Variants in CYFIP2 observed in about 807,000 individuals in gnomAD.
The protein encoded by CYFIP2 is cytoplasmic FMR1-interacting protein 2.
In CYFIP2, 29 loss-of-function variants were observed where a neutral mutation model predicts 158.7. The ratio of observed to expected loss-of-function variants is 0.18; its 90% CI spans 0.14 to 0.25. The LOEUF (loss-of-function observed/expected upper bound fraction) is 0.25, where lower values mean the gene tolerates loss of function less well. Ranked by LOEUF, CYFIP2 falls within the 10% of genes least tolerant of loss-of-function variation. The pLI, the probability that CYFIP2 is intolerant of heterozygous loss-of-function variation, is 1.00. For synonymous variants in CYFIP2, 585 were observed against 617.6 expected (o/e 0.95, Z 0.78); for missense variants, 852 against 1,639.5 (o/e 0.52, Z 8.29).
chr5:157,281,695 A>G (rs1329216564), intron 1 of CYFIP2, among the ~76,000 whole-genome samples: 4 of 152,194 alleles, frequency 2.6e-5, no homozygotes, highest in African/African-American at 7.2e-5. Context: ...TTTGGGGGCC[A>G]CTTTTTATAA....
chr5:157,328,430 G>T (rs1472301044), intron 19 of CYFIP2, among the ~76,000 whole-genome samples: 1 of 152,242 alleles, frequency 6.6e-6, no homozygotes, highest in African/African-American at 2.4e-5. Context: ...AGGAGTGAAG[G>T]AAGTAAAACG....
In CYFIP2 at chr5:157,343,589, A is replaced by G; in HGVS notation, c.2673+2432A>G. 9 of 1,424,022 alleles carry G rather than the reference A, an allele frequency of 6.3e-6. No homozygotes were observed. In the East Asian group the frequency reaches 7.0e-5, roughly 11 times the overall value. The allele number at this position is 1,424,022 out of a possible 1,614,324, so 88.2% of individuals were successfully genotyped here. A position where few individuals can be genotyped will look rare whatever the true frequency, so the allele number is the denominator to read the frequency against. On this transcript the variant is annotated intron_variant, in intron 23 of 30. Transcript: ENST00000620254. The stretch of plus-strand genomic sequence containing the variant: ...AAGAGTGACATCCCCTGATTTAAGT[A>G]TGTATTTATCATAATCATAGCCACC...
At chr5:157,327,836 A>G in intron 18 of CYFIP2, 137 bp from the exon 19 acceptor site, 1 of 722,972 alleles carries the variant, frequency 1.4e-6, no homozygotes, top group Non-Finnish European at 2.3e-6. Context: ...TAGCCACAGA[A>G]TATTTTTCCC....
In CYFIP2 at chr5:157,389,341, C is replaced by G; in HGVS notation, c.3360C>G (p.Val1120=). ...CGCCCACCAATGGCGTCATGCACGT[C>G]GATGAGTGTGTGGAGTTCCACCGGC... is the stretch of plus-strand genomic sequence containing the variant. ...GPPPTNGVMH[V]DECVEFHRLW... Residue 1120 remains valine, a synonymous_variant, in exon 29 of 31, where the codon GTC becomes GTG. Transcript: ENST00000620254. The G allele has an allele frequency of 6.2e-7, 1 of 1,613,966 alleles. No homozygotes were observed. The highest frequency in any genetic ancestry group is 8.5e-7 in the Non-Finnish European group (1 of 1,179,850).
rs143912864 is a variant in CYFIP2 at position 157,361,044 on chromosome 5, C to T, written c.2909-424C>T. 4.1e-4 allele frequency among the ~76,000 whole-genome samples: 63 copies of T among 152,324 alleles called. No homozygotes were observed. Among genetic ancestry groups the T allele is most frequent in the African/African-American group, 1.4e-3 (60 of 41,568 alleles). On this transcript the variant is annotated intron_variant, in intron 25 of 30. Transcript: ENST00000620254. This position sits in a 1 kb window ranked among gnomAD's most constrained non-coding sequence, Gnocchi z 4.4. ...GCCCCTTACCCTCTCTGAGCCTCAT[C>T]TGAAACCAGGGTAATAGTGCCTAGT... is the stretch of plus-strand genomic sequence containing the variant.
rs141032109 is a variant in CYFIP2, at chr5:157,394,677, A to G, written c.*1677A>G. 3.3e-5 allele frequency: 5 copies of G among 152,364 alleles called. No homozygotes were observed. The highest frequency in any genetic ancestry group is 1.9e-4 in the East Asian group (1 of 5,190). 9.4% of individuals were successfully genotyped at this position (152,364 alleles called of 1,614,324 possible). A position where few individuals can be genotyped will look rare whatever the true frequency, so the allele number is the denominator to read the frequency against. On this transcript the variant is annotated 3_prime_UTR_variant, in exon 31 of 31. Transcript: ENST00000620254. ...TCAATGTTTGGGAACCACTGCTGTA[A>G]GGGAATCATTCTGGTCACCTTGAGC... is the stretch of plus-strand genomic sequence containing the variant.
chr5:157,344,710 TCCGCCTCTCCTCCCTCACATGAAACC>T (rs1762552677), intron 23 of CYFIP2, among the ~76,000 whole-genome samples: 1 of 152,234 alleles, frequency 6.6e-6, no homozygotes, highest in Non-Finnish European at 1.5e-5. Flanking sequence ...TGCTTTGTCT[TCCGCCTCTCCTCCCTCACATGAAACC>T]CCGTAGGTTT....
Position 157,311,826 on chromosome 5 carries a change from C to A in CYFIP2, c.1110+45C>A. 6.6e-7 allele frequency: 1 copy of A among 1,517,972 alleles called. No homozygotes were observed. Among genetic ancestry groups the A allele is most frequent in the Non-Finnish European group, 9.0e-7 (1 of 1,114,748 alleles). The allele number at this position is 1,517,972 out of a possible 1,614,324, so 94.0% of individuals were successfully genotyped here. A position where few individuals can be genotyped will look rare whatever the true frequency, so the allele number is the denominator to read the frequency against. On this transcript the variant is annotated intron_variant, in intron 11 of 30. Coordinates refer to ENST00000620254, the MANE Select transcript of CYFIP2 (RefSeq NM_001037333.3). The surrounding 1 kb of genome is among the most constrained non-coding windows in gnomAD (Gnocchi z 4.7). ...GGGCACAGGCCCGTGGGCCCAGGGC[C>A]AGAAGGGGTAAGGAGCAGCCAGGAA...
intron 26 of CYFIP2, among the ~76,000 whole-genome samples, chr5:157,373,633 A>C (rs892666918): frequency 5.9e-5 from 9 of 152,222 alleles, no homozygotes; most frequent in African/African-American, 2.2e-4. Context: ...TAGGCCCAAA[A>C]AAATCCAGAT....
At chr5:157,319,672 TCC>T in intron 13 of CYFIP2, 88 bp from the exon 14 acceptor site, 1 of 1,503,784 alleles carries the variant, frequency 6.6e-7, no homozygotes, top group Non-Finnish European at 9.0e-7. Flanking sequence ...GACATCTCAC[TCC>T]CCGCCTCCCC....
At chr5:157,301,758 G>GTC (rs1236862153) in intron 6 of CYFIP2, among the ~76,000 whole-genome samples, 3 of 152,064 alleles carry the variant, frequency 2.0e-5, no homozygotes, top group Non-Finnish European at 4.4e-5. Context: ...ATGAGACCCC[G>GTC]TCTCTTTTTT....
intron 26 of CYFIP2, among the ~76,000 whole-genome samples, chr5:157,378,315 C>CA (rs1318867098): frequency 6.6e-6 from 1 of 152,148 alleles, no homozygotes; most frequent in Non-Finnish European, 1.5e-5. Context: ...GAAGGTAGCT[C>CA]AGACTCTTGT....
Position 157,356,723 on chromosome 5 carries a change from G to A in CYFIP2, c.2674-2282G>A, listed in dbSNP as rs1015844575. ...ACAGGGCAAAAACTAAGCTGCACTC[G>A]CTTAGAAGAGTACACGCCTCCTAGC... On this transcript the variant is annotated intron_variant, in intron 23 of 30. Transcript: ENST00000620254. 2.6e-5 allele frequency among the ~76,000 whole-genome samples: 4 copies of A among 152,130 alleles called. No homozygotes were observed. The East Asian group carries it at 7.7e-4, about 29-fold the overall frequency.
At position 157,266,804 on chromosome 5, in the gene CYFIP2, C is replaced by G. The variant is rs1755641756; in HGVS notation, c.-24+609C>G. ...GAAGCTTTCTGGCCTACACTAGCAT[C>G]GCTCACCAAGCTGGCTGCGGGCACG... On this transcript the variant is annotated intron_variant, in intron 1 of 30. Transcript: ENST00000620254. This position sits in a 1 kb window ranked among gnomAD's most constrained non-coding sequence, Gnocchi z 4.2. 6.6e-6 allele frequency: 1 copy of G among 152,664 alleles called. No homozygotes were observed. The highest frequency in any genetic ancestry group is 2.4e-5 in the African/African-American group (1 of 41,440). The allele number at this position is 152,664 out of a possible 1,614,324, so 9.5% of individuals were successfully genotyped here. A position where few individuals can be genotyped will look rare whatever the true frequency, so the allele number is the denominator to read the frequency against.
At chr5:157,380,374 C>T (rs781354196) in intron 26 of CYFIP2, among the ~76,000 whole-genome samples, 1 of 152,194 alleles carries the variant, frequency 6.6e-6, no homozygotes, top group Non-Finnish European at 1.5e-5. Context: ...AGAGACAAAC[C>T]ATGAACTGAA....
chr5:157,310,274 C>T (rs1382479964), intron 10 of CYFIP2, among the ~76,000 whole-genome samples: 1 of 152,156 alleles, frequency 6.6e-6, no homozygotes, highest in Admixed American at 6.5e-5. Context: ...CTTTATAAAC[C>T]ACAATTCTGG....
At chr5:157,363,436 A>AACAATCAGAG (rs1426351696) in intron 26 of CYFIP2, 1 of 152,454 alleles carries the variant, frequency 6.6e-6, no homozygotes, top group African/African-American at 2.4e-5. Context: ...GCAAAGTCGT[A>AACAATCAGAG]ACAATCAGAG....
intron 13 of CYFIP2, 36 bp from the exon 14 acceptor site, chr5:157,319,726 C>G: frequency 6.2e-7 from 1 of 1,609,010 alleles, no homozygotes; most frequent in South Asian, 1.1e-5. Context: ...GTGTGCTGGA[C>G]ATGGTGAACA....
intron 26 of CYFIP2, among the ~76,000 whole-genome samples, chr5:157,368,121 A>G (rs1412298924): frequency 6.6e-6 from 1 of 152,198 alleles, no homozygotes; most frequent in Non-Finnish European, 1.5e-5. Context: ...AGATTTTCTC[A>G]TATAAAATTA....
Sources: gnomAD v4.1 joint callset for allele counts (sites outside exome capture counted in the v4.1 genomes callset) on GRCh38, gnomAD v4.1.1 for gene constraint, Gnocchi (gnomAD v3.1) non-coding constraint, MANE v1.5 for transcripts, NCBI Gene and HGNC (gene_info 2026-07-23, HGNC 2026-07-21) for gene names.